The following NFIC variants were observed in gnomAD, a reference collection of about 807,000 sequenced individuals.
The protein encoded by NFIC is nuclear factor I C.
NFIC carries 12 observed loss-of-function variants against 54.4 expected under a neutral mutation model. That is an observed-to-expected ratio of 0.22 (90% CI 0.14 to 0.36). The LOEUF is 0.36. NFIC is among the 10% of genes least tolerant of loss of function. The pLI, the probability that NFIC is intolerant of heterozygous loss-of-function variation, is 1.00. For synonymous variants in NFIC, 322 were observed against 319.2 expected, an observed-to-expected ratio of 1.01 and a Z score of -0.09; for missense variants, 575 against 718.2, an observed-to-expected ratio of 0.80 and a Z score of 2.28.
intron 1 of NFIC, among the ~76,000 whole-genome samples, chr19:3,373,424 C>T (rs993681602): frequency 3.3e-5 from 5 of 150,556 alleles, no homozygotes; most frequent in African/African-American, 1.2e-4. Flanking sequence ...CTCAACCCTC[C>T]CCTCCTCTCT....
At chr19:3,382,347 T>C (rs1218896306) in intron 2 of NFIC, 104 bp downstream of exon 2, 41 of 1,462,652 alleles carry the variant, frequency 2.8e-5, no homozygotes, top group Non-Finnish European at 3.0e-5. Context: ...CGTGTGGGTA[T>C]GATGTGGTGG....
At chr19:3,359,700 C>A in intron 1 of NFIC, 1 of 1,428,696 alleles carries the variant, frequency 7.0e-7, no homozygotes, top group Non-Finnish European at 9.3e-7. Context: ...GTCGCCGCAC[C>A]CACTTTCGTT....
chr19:3,360,138 GCC>G (rs549799933), intron 1 of NFIC, among the ~76,000 whole-genome samples: 1 of 145,986 alleles, frequency 6.8e-6, no homozygotes, highest in East Asian at 2.0e-4. Flanking sequence ...GGTCGCGGCG[GCC>G]CCCGCGGGGT....
intron 10 of NFIC, among the ~76,000 whole-genome samples, chr19:3,457,562 G>A (rs1172826290): frequency 6.6e-6 from 1 of 152,214 alleles, no homozygotes; most frequent in Non-Finnish European, 1.5e-5. Context: ...GTTGGGGAGA[G>A]GGTTGGAGGA....
At chr19:3,379,009 G>A (rs952538638) in intron 1 of NFIC, among the ~76,000 whole-genome samples, 2 of 152,132 alleles carry the variant, frequency 1.3e-5, no homozygotes, top group African/African-American at 4.8e-5. Flanking sequence ...AGCCAGGCCT[G>A]TCTGTACATA....
At chr19:3,366,801 G>A in intron 1 of NFIC, 135 bp downstream of exon 1, 2 of 572,252 alleles carry the variant, frequency 3.5e-6, no homozygotes, top group Non-Finnish European at 5.6e-6. Context: ...TGCCCCCCGC[G>A]CCGAGGGCTG....
chr19:3,394,791 C>T (rs368963166), intron 2 of NFIC, among the ~76,000 whole-genome samples: 2 of 151,902 alleles, frequency 1.3e-5, no homozygotes, highest in African/African-American at 4.8e-5. Context: ...GGTGCCCCTA[C>T]GAGCATGAAC....
At chr19:3,412,584 G>A (rs1288170058) in intron 2 of NFIC, among the ~76,000 whole-genome samples, 2 of 152,136 alleles carry the variant, frequency 1.3e-5, no homozygotes, top group African/African-American at 2.4e-5. Context: ...GAGAGGTGCA[G>A]ACAAAACTGG....
chr19:3,464,495 C>A lies in NFIC; in HGVS notation c.*1726C>A. On this transcript the variant is annotated 3_prime_UTR_variant, in exon 11 of 11. Transcript: ENST00000443272. The stretch of plus-strand genomic sequence containing the variant: ...GAGGGGGTGTTAGGTGTTTTAGGGC[C>A]ACCGAGCTCAAACACAAGGACCCCT... 1 of 983,098 alleles carries A rather than the reference C, an allele frequency of 1.0e-6. No homozygotes were observed. The highest frequency in any genetic ancestry group is 1.2e-6 in the Non-Finnish European group (1 of 828,910). The allele number at this position is 983,098 out of a possible 1,614,324, so 60.9% of individuals were successfully genotyped here. A position where few individuals can be genotyped will look rare whatever the true frequency, so the allele number is the denominator to read the frequency against.
intron 3 of NFIC, among the ~76,000 whole-genome samples, chr19:3,429,949 A>G (rs1459711140): frequency 6.6e-6 from 1 of 152,148 alleles, no homozygotes; most frequent in Non-Finnish European, 1.5e-5. Context: ...GGAGCTTTGC[A>G]GATTTTAACA....
Position 3,434,292 on chromosome 19 carries a change from G to C in NFIC, c.725G>C (p.Gly242Ala). Reference sequence around the variant, plus strand: ...CCCTCTGCAGCACCCGTGGTGACTGGAACAGGACCCAACTTCTCCCTGGGG... The same window carrying C: ...CCCTCTGCAGCACCCGTGGTGACTGCAACAGGACCCAACTTCTCCCTGGGG... ...IQVSRTPVVT[G>A]TGPNFSLGEL... The change falls in exon 5 of 11, where the codon GGA (glycine) becomes GCA (alanine). Residue 242 changes from glycine to alanine, a missense_variant. Physicochemically the swap from Gly to Ala is moderately conservative, Grantham distance 60. This residue lies in a region of NFIC where 447 missense variants were observed against 526.9 expected (regional missense o/e 0.85). Transcript: ENST00000443272. 1 of 1,611,910 alleles carries C rather than the reference G, an allele frequency of 6.2e-7. No individual in the cohort carries two copies. The highest frequency in any genetic ancestry group is 8.5e-7 in the Non-Finnish European group (1 of 1,179,662).
chr19:3,432,155 G>A (rs1312579897), intron 3 of NFIC, among the ~76,000 whole-genome samples: 1 of 152,126 alleles, frequency 6.6e-6, no homozygotes, highest in Non-Finnish European at 1.5e-5. Context: ...GCTGTCTGAG[G>A]TTGGCCAAGG....
intron 1 of NFIC, among the ~76,000 whole-genome samples, chr19:3,360,316 C>CCCCCG (rs2080794278): frequency 6.8e-6 from 1 of 148,084 alleles, no homozygotes; most frequent in Non-Finnish European, 1.5e-5. Context: ...CCTCGCACCG[C>CCCCCG]CCCCGCCCCG....
At chr19:3,423,819 C>A (rs1029475764) in intron 2 of NFIC, among the ~76,000 whole-genome samples, 129 of 152,210 alleles carry the variant, frequency 8.5e-4, no homozygotes, top group Non-Finnish European at 1.0e-3. Flanking sequence ...TCTGGGGTCC[C>A]TGAACGGCAA....
Position 3,464,181 on chromosome 19 carries a change from A to ACG in NFIC, c.*1415_*1416dup. On this transcript the variant is annotated 3_prime_UTR_variant, in exon 11 of 11. Transcript: ENST00000443272. ...GTTTGCACTTTCATCGCCTACCCCG[A>ACG]CGCGGGGCCCAGCTGCGGGACGTGC... The ACG allele has an allele frequency of 1.0e-6, 1 of 985,194 alleles. No homozygotes were observed. Among genetic ancestry groups the ACG allele is most frequent in the Non-Finnish European group, 1.2e-6 (1 of 829,848 alleles). The allele number at this position is 985,194 out of a possible 1,614,324, so 61.0% of individuals were successfully genotyped here.
chr19:3,391,367 A>G lies in NFIC; in HGVS notation c.562+9124A>G, dbSNP rs527989524. ...AATAACAAGTAATAATATTATATCT[A>G]TGGCCGGCTGTGGTGGCTTACGCCT... On this transcript the variant is annotated intron_variant, in intron 2 of 10. Coordinates refer to ENST00000443272, the MANE Select transcript of NFIC (RefSeq NM_001245002.2). Among the ~76,000 whole-genome samples the G allele has an allele frequency of 5.3e-5, 8 of 152,304 alleles. No homozygotes were observed. In the East Asian group the frequency reaches 7.7e-4, roughly 15 times the overall value.
In NFIC at chr19:3,370,661, A is replaced by C. The variant is rs1448967473; in HGVS notation, c.30+3995A>C. On this transcript the variant is annotated intron_variant, in intron 1 of 10. Transcript: ENST00000443272. This position sits in a 1 kb window ranked among gnomAD's most constrained non-coding sequence, Gnocchi z 5.2. ...CTTCTCTCTCTCTTTCTCCCTCCCTACCTCCCTCTCTGTTCCTCTTCTTTC... is the reference window on the plus strand; with the variant it reads ...CTTCTCTCTCTCTTTCTCCCTCCCTCCCTCCCTCTCTGTTCCTCTTCTTTC... Among the ~76,000 whole-genome samples the C allele has an allele frequency of 0.028, 3,162 of 111,740 alleles. No individual in the cohort carries two copies. The highest frequency in any genetic ancestry group is 0.056 in the Middle Eastern group (9 of 162). 73.3% of individuals were successfully genotyped at this position (111,740 alleles called of 152,430 possible).
At chr19:3,447,747 C>T (rs10153493) in intron 6 of NFIC, among the ~76,000 whole-genome samples, 73,251 of 152,060 alleles carry the variant, frequency 0.48, 20,491 homozygotes, top group Non-Finnish European at 0.64. Context: ...CACCCCAGGT[C>T]GCACAGCCTC....
At chr19:3,443,228 G>C (rs1388722833) in intron 6 of NFIC, among the ~76,000 whole-genome samples, 1 of 152,072 alleles carries the variant, frequency 6.6e-6, no homozygotes, top group African/African-American at 2.4e-5. Context: ...GAGCCTAGTA[G>C]TTTGATAACA....
Sources: allele counts gnomAD v4.1 joint callset (sites outside exome capture counted in the v4.1 genomes callset), GRCh38; gene constraint gnomAD v4.1.1; regional missense constraint gnomAD v4.1.1; non-coding constraint Gnocchi (gnomAD v3.1); transcripts MANE v1.5; gene names NCBI Gene and HGNC (gene_info 2026-07-23, HGNC 2026-07-21).